FSTL5: variants seen among roughly 807,000 people sequenced by gnomAD.
The protein encoded by FSTL5 is follistatin like 5.
FSTL5 carries 62 observed loss-of-function variants against 89.1 expected under a neutral mutation model. That is an observed-to-expected ratio of 0.70 (90% CI 0.57 to 0.86). FSTL5 has a LOEUF of 0.86. FSTL5 is among the 40% of genes least tolerant of loss of function. The pLI is 0.00. For missense variants in FSTL5, 1,057 were observed against 1,001.6 expected, an observed-to-expected ratio of 1.06 and a Z score of -0.75; for synonymous variants, 383 against 346.2, an observed-to-expected ratio of 1.11 and a Z score of -1.18.
At chr4:161,713,107 T>A (rs1227442492) in intron 6 of FSTL5, among the ~76,000 whole-genome samples, 1 of 152,188 alleles carries the variant, frequency 6.6e-6, no homozygotes, top group African/African-American at 2.4e-5. Context: ...GCATAGTTAA[T>A]TAATCCAGGT....
At chr4:161,963,147 C>A (rs1325494875) in intron 3 of FSTL5, among the ~76,000 whole-genome samples, 3 of 151,724 alleles carry the variant, frequency 2.0e-5, no homozygotes, top group Non-Finnish European at 4.4e-5. Flanking sequence ...AATAAGAATA[C>A]CATGGAAAAC....
At chr4:161,736,333 AT>A (rs1422672943) in intron 6 of FSTL5, among the ~76,000 whole-genome samples, 2 of 152,086 alleles carry the variant, frequency 1.3e-5, no homozygotes, top group African/African-American at 4.8e-5. Context: ...AAGAAAATGT[AT>A]TATTATTACA....
chr4:161,953,624 A>G (rs1734955629), intron 3 of FSTL5, among the ~76,000 whole-genome samples: 1 of 151,674 alleles, frequency 6.6e-6, no homozygotes, highest in Non-Finnish European at 1.5e-5. Context: ...GGTAAAGGCA[A>G]ATAATCATTT....
rs183408439 is a variant in FSTL5 at position 161,538,837 on chromosome 4, C to T, written c.1178-537G>A. 3.5e-4 allele frequency among the ~76,000 whole-genome samples: 54 copies of T among 152,220 alleles called. No individual in the cohort carries two copies. The East Asian group carries it at 0.01, about 29-fold the overall frequency. ...GGAGTACAGTGGCACGATCTCAGCT[C>T]ACTGTAACCTCCGCCTCCCGGGTTC... On this transcript the variant is annotated intron_variant, in intron 9 of 15. Transcript: ENST00000306100.
In FSTL5 at chr4:162,018,011, G is replaced by A. The variant is rs550195818; in HGVS notation, c.160+15614C>T. The stretch of plus-strand genomic sequence containing the variant: ...ACTTTGTCTGTTCCCCTCCTTGCAA[G>A]GCAAGCAGTTCCTGGGGCTAAGTCC... On this transcript the variant is annotated intron_variant, in intron 3 of 15. Transcript: ENST00000306100. Among the ~76,000 whole-genome samples the A allele has an allele frequency of 7.0e-4, 107 of 152,236 alleles. 1 individual carries two copies. The highest frequency in any genetic ancestry group is 2.5e-3 in the African/African-American group (102 of 41,532).
chr4:162,078,391 A>G (rs1729953774), intron 2 of FSTL5, among the ~76,000 whole-genome samples: 1 of 151,840 alleles, frequency 6.6e-6, no homozygotes, highest in African/African-American at 2.4e-5. Flanking sequence ...AATAAGTGTA[A>G]TGGTTTAATT....
chr4:161,713,935 C>T (rs1738888673), intron 6 of FSTL5, among the ~76,000 whole-genome samples: 1 of 152,084 alleles, frequency 6.6e-6, no homozygotes, highest in African/African-American at 2.4e-5. Context: ...CAAAAATATG[C>T]CCTTTACACT....
In FSTL5 at chr4:162,004,135, G is replaced by T. The variant is rs976830029; in HGVS notation, c.160+29490C>A. Among the ~76,000 whole-genome samples the T allele has an allele frequency of 3.3e-5, 5 of 152,076 alleles. No individual in the cohort carries two copies. The South Asian group carries it at 1.0e-3, about 32-fold the overall frequency. ...ATTATTTTCTAAACTCTAGATCCAG[G>T]TATTAAATTTCCCTATTCATATGGA... On this transcript the variant is annotated intron_variant, in intron 3 of 15. Coordinates refer to ENST00000306100, the MANE Select transcript of FSTL5 (RefSeq NM_020116.5).
At chr4:161,464,660 T>A (rs1158841004) in intron 13 of FSTL5, among the ~76,000 whole-genome samples, 1 of 152,200 alleles carries the variant, frequency 6.6e-6, no homozygotes, top group African/African-American at 2.4e-5. Flanking sequence ...CTTAGAATAA[T>A]ACTTAGTGAA....
intron 15 of FSTL5, among the ~76,000 whole-genome samples, chr4:161,424,008 C>T (rs563409377): frequency 1.3e-5 from 2 of 149,070 alleles, no homozygotes; most frequent in Admixed American, 6.7e-5. Flanking sequence ...AGGTGCCTGC[C>T]AGCACGCCCA....
At chr4:161,752,879 C>G (rs1212940562) in intron 6 of FSTL5, among the ~76,000 whole-genome samples, 1 of 152,134 alleles carries the variant, frequency 6.6e-6, no homozygotes, top group Non-Finnish European at 1.5e-5. Flanking sequence ...ACAGCGTTCT[C>G]TCTCTTTGGT....
At chr4:161,911,277 T>A (rs1188581066) in intron 4 of FSTL5, among the ~76,000 whole-genome samples, 1 of 152,044 alleles carries the variant, frequency 6.6e-6, no homozygotes, top group Non-Finnish European at 1.5e-5. Context: ...TCTATATATA[T>A]ATAATTCTGA....
At chr4:161,903,381 A>C (rs1733427157) in intron 4 of FSTL5, among the ~76,000 whole-genome samples, 1 of 152,132 alleles carries the variant, frequency 6.6e-6, no homozygotes, top group African/African-American at 2.4e-5. Context: ...TCCCATGAAA[A>C]TAAAAAGAAA....
intron 6 of FSTL5, among the ~76,000 whole-genome samples, chr4:161,660,251 T>C (rs1372080481): frequency 6.6e-6 from 1 of 152,210 alleles, no homozygotes; most frequent in African/African-American, 2.4e-5. Context: ...AATCCTTCTC[T>C]ATGCTTTCTC....
rs181975282 is a variant in FSTL5 at position 161,629,132 on chromosome 4, C to T, written c.894+27196G>A. ...CAGTGATTTTCATGGTACACACAGG[C>T]AGCAGAACCCTGTGGCTGTCCAACA... On this transcript the variant is annotated intron_variant, in intron 7 of 15. Coordinates refer to ENST00000306100, the MANE Select transcript of FSTL5 (RefSeq NM_020116.5). Among the ~76,000 whole-genome samples the T allele has an allele frequency of 1.6e-3, 243 of 152,238 alleles. 1 individual carries two copies. Among genetic ancestry groups the T allele is most frequent in the Non-Finnish European group, 1.2e-3 (82 of 68,012 alleles).
intron 13 of FSTL5, among the ~76,000 whole-genome samples, chr4:161,460,172 G>C (rs1733508029): frequency 6.6e-6 from 1 of 151,908 alleles, no homozygotes; most frequent in Middle Eastern, 3.2e-3. Context: ...AACAGTGAAA[G>C]CATTTCTTCC....
intron 4 of FSTL5, among the ~76,000 whole-genome samples, chr4:161,845,491 T>C (rs181926612): frequency 6.6e-6 from 1 of 152,350 alleles, no homozygotes; most frequent in East Asian, 1.9e-4. Context: ...TTATCAAGGT[T>C]GATTACTCAT....
At chr4:161,551,538 A>G (rs1388278438) in intron 8 of FSTL5, among the ~76,000 whole-genome samples, 1 of 151,944 alleles carries the variant, frequency 6.6e-6, no homozygotes, top group African/African-American at 2.4e-5. Context: ...GTCAATCCTA[A>G]GCCAAAAGAA....
chr4:161,680,147 A>G (rs745876249), intron 6 of FSTL5, among the ~76,000 whole-genome samples: 1 of 151,928 alleles, frequency 6.6e-6, no homozygotes, highest in Non-Finnish European at 1.5e-5. Context: ...ATTTGTTTAT[A>G]GAAGAAAATA....
Sources: gnomAD v4.1 joint callset for allele counts (sites outside exome capture counted in the v4.1 genomes callset) on GRCh38, gnomAD v4.1.1 for gene constraint, MANE v1.5 for transcripts, NCBI Gene and HGNC (gene_info 2026-07-23, HGNC 2026-07-21) for gene names.